SAMMSON: variants seen among roughly 807,000 people sequenced by gnomAD.
The protein encoded by SAMMSON is survival associated mitochondrial melanoma specific oncogenic non-coding RNA.
chr3:70,297,505 A>G (rs1266446255), intron 7 of SAMMSON, among the ~76,000 whole-genome samples: 1 of 152,102 alleles, frequency 6.6e-6, no homozygotes, highest in Non-Finnish European at 1.5e-5. Context: ...TGTAGTTTCA[A>G]TTGGTTAGAC....
At chr3:70,178,409 C>T (rs1701024820) in intron 4 of SAMMSON, among the ~76,000 whole-genome samples, 1 of 152,188 alleles carries the variant, frequency 6.6e-6, no homozygotes, top group African/African-American at 2.4e-5. Flanking sequence ...GGCTGCTTGT[C>T]TCGGACCGAA....
At chr3:70,008,281 T>A (rs1010913286) in intron 1 of SAMMSON, among the ~76,000 whole-genome samples, 1 of 152,220 alleles carries the variant, frequency 6.6e-6, no homozygotes, top group Non-Finnish European at 1.5e-5. Context: ...CCCATGAGCA[T>A]GGAATGTTCG....
intron 2 of SAMMSON, among the ~76,000 whole-genome samples, chr3:70,411,905 T>G (rs902629399): frequency 6.6e-6 from 1 of 152,170 alleles, no homozygotes; most frequent in Non-Finnish European, 1.5e-5. Flanking sequence ...ACACAGCATA[T>G]GTATAATGAT....
intron 7 of SAMMSON, among the ~76,000 whole-genome samples, chr3:70,309,535 A>G (rs1292556897): frequency 6.6e-6 from 1 of 152,350 alleles, no homozygotes; most frequent in East Asian, 1.9e-4. Context: ...AGGGAGATAA[A>G]GTAACATGGC....
intron 6 of SAMMSON, among the ~76,000 whole-genome samples, chr3:70,284,059 T>G (rs1184005938): frequency 6.6e-6 from 1 of 152,142 alleles, no homozygotes; most frequent in Non-Finnish European, 1.5e-5. Context: ...AATCCTGGAA[T>G]GAACTTGGTT....
intron 4 of SAMMSON, among the ~76,000 whole-genome samples, chr3:70,115,064 G>A (rs1298253771): frequency 2.0e-5 from 3 of 151,934 alleles, no homozygotes; most frequent in African/African-American, 7.2e-5. Flanking sequence ...TGCAGAATAT[G>A]CCTTATTACT....
At chr3:70,051,058 C>A (rs1261506757) in intron 3 of SAMMSON, among the ~76,000 whole-genome samples, 2 of 142,706 alleles carry the variant, frequency 1.4e-5, no homozygotes, top group South Asian at 2.3e-4. Flanking sequence ...TTGCTTGAAC[C>A]CAGGAGATGG....
chr3:70,257,935 C>T (rs1701831975), intron 6 of SAMMSON, among the ~76,000 whole-genome samples: 1 of 152,112 alleles, frequency 6.6e-6, no homozygotes, highest in African/African-American at 2.4e-5. Context: ...TAGACATATA[C>T]ATCAATAAGA....
At chr3:70,431,508 A>G (rs565263537) in intron 2 of SAMMSON, among the ~76,000 whole-genome samples, 1 of 151,996 alleles carries the variant, frequency 6.6e-6, no homozygotes, top group African/African-American at 2.4e-5. Context: ...ATCTGTCTCT[A>G]AAAAAATTAG....
At chr3:70,038,744 A>G (rs2067095529) in intron 3 of SAMMSON, among the ~76,000 whole-genome samples, 1 of 152,214 alleles carries the variant, frequency 6.6e-6, no homozygotes, top group South Asian at 2.1e-4. Context: ...TGGGAGCCCC[A>G]CAGTCAGATG....
chr3:70,353,614 G>T (rs1291449216), intron 7 of SAMMSON, among the ~76,000 whole-genome samples: 1 of 152,158 alleles, frequency 6.6e-6, no homozygotes, highest in African/African-American at 2.4e-5. Flanking sequence ...TCAGCCATAT[G>T]TTGCTGATGA....
intron 6 of SAMMSON, among the ~76,000 whole-genome samples, chr3:70,279,135 T>C (rs1226216686): frequency 1.3e-5 from 2 of 151,050 alleles, no homozygotes; most frequent in Non-Finnish European, 2.9e-5. Flanking sequence ...TTTCACTCAC[T>C]ACATGCAATC....
chr3:70,416,239 A>G (rs1396482128), intron 2 of SAMMSON, among the ~76,000 whole-genome samples: 1 of 152,204 alleles, frequency 6.6e-6, no homozygotes, highest in Non-Finnish European at 1.5e-5. Flanking sequence ...TTTCTTTCTA[A>G]TTAGCTTTTT....
At chr3:70,006,807 C>T (rs374627836) in intron 1 of SAMMSON, among the ~76,000 whole-genome samples, 2 of 125,860 alleles carry the variant, frequency 1.6e-5, no homozygotes, top group South Asian at 3.2e-4. Context: ...CTCCCCCCAC[C>T]CCACAACAGG....
chr3:70,339,969 G>A (rs1559567433), intron 7 of SAMMSON, among the ~76,000 whole-genome samples: 1 of 152,002 alleles, frequency 6.6e-6, no homozygotes, highest in African/African-American at 2.4e-5. Context: ...GTTTATTGTG[G>A]CACTATTCAC....
At chr3:70,186,419 G>A (rs1292758981) in intron 4 of SAMMSON, among the ~76,000 whole-genome samples, 2 of 151,940 alleles carry the variant, frequency 1.3e-5, no homozygotes, top group Admixed American at 1.3e-4. Flanking sequence ...CACCATGCCT[G>A]GCTAATTTTT....
intron 7 of SAMMSON, among the ~76,000 whole-genome samples, chr3:70,314,643 T>A (rs1436313821): frequency 6.6e-6 from 1 of 152,162 alleles, no homozygotes; most frequent in Non-Finnish European, 1.5e-5. Flanking sequence ...GGGACACGGC[T>A]GAAGCTACTA....
chr3:70,319,779 G>T (rs1010870222), intron 7 of SAMMSON, among the ~76,000 whole-genome samples: 2 of 151,952 alleles, frequency 1.3e-5, no homozygotes, highest in African/African-American at 4.8e-5. Flanking sequence ...TTACAAGTCA[G>T]TGGGAAGGAA....
intron 7 of SAMMSON, among the ~76,000 whole-genome samples, chr3:70,337,168 A>G (rs1380524863): frequency 3.5e-5 from 2 of 57,198 alleles, no homozygotes; most frequent in Non-Finnish European, 8.5e-5. Flanking sequence ...TATCTAACTT[A>G]ATATAATATT....
Sources: gnomAD v4.1 joint callset for allele counts (sites outside exome capture counted in the v4.1 genomes callset) on GRCh38, gnomAD v4.1.1 for gene constraint, MANE v1.5 for transcripts, NCBI Gene and HGNC (gene_info 2026-07-23, HGNC 2026-07-21) for gene names.